DMD: variants seen among roughly 807,000 people sequenced by gnomAD.
The protein encoded by DMD is mutant dystrophin.
A neutral mutation model predicts 330.1 loss-of-function variants in DMD; 63 were observed. The ratio of observed to expected loss-of-function variants is 0.19; its 90% CI spans 0.16 to 0.24. The LOEUF is 0.24. Ranked by LOEUF, DMD falls within the 10% of genes least tolerant of loss-of-function variation. The pLI is 1.00. For synonymous variants in DMD, 1,223 were observed against 959.8 expected (o/e 1.27, Z -5.07); for missense variants, 3,344 against 2,684.1 (o/e 1.25, Z -5.43).
At chrX:32,687,156 T>G (rs1381069039) in intron 9 of DMD, among the ~76,000 whole-genome samples, 1 of 112,258 alleles carries the variant, frequency 8.9e-6, no homozygotes, top group African/African-American at 3.2e-5. Flanking sequence ...ATTCTCAAAC[T>G]TCTTAATCAG....
chrX:32,688,485 G>A (rs777847195), intron 9 of DMD, among the ~76,000 whole-genome samples: 1 of 111,935 alleles, frequency 8.9e-6, no homozygotes, highest in Non-Finnish European at 1.9e-5. Context: ...GATCCACGTT[G>A]TTGTAAATAT....
intron 7 of DMD, among the ~76,000 whole-genome samples, chrX:32,808,927 G>A (rs1268833053): frequency 1.8e-5 from 2 of 111,925 alleles, no homozygotes; most frequent in Admixed American, 9.5e-5. Flanking sequence ...AAGAGTCAAA[G>A]TTATTGAAGT....
chrX:32,728,516 C>T (rs979367802), intron 7 of DMD, among the ~76,000 whole-genome samples: 9 of 111,652 alleles, frequency 8.1e-5, no homozygotes, highest in African/African-American at 2.3e-4. Flanking sequence ...TTATACGCAG[C>T]TGCTTTATTT....
chrX:31,753,427 C>G (rs1186985823), intron 51 of DMD, among the ~76,000 whole-genome samples: 1 of 111,341 alleles, frequency 9.0e-6, no homozygotes, highest in Non-Finnish European at 1.9e-5. Context: ...TCAATCCTCC[C>G]TTTTTCTTTC....
chrX:32,098,088 G>A (rs1799463270), intron 44 of DMD, among the ~76,000 whole-genome samples: 2 of 110,970 alleles, frequency 1.8e-5, no homozygotes, highest in African/African-American at 6.6e-5. Context: ...AATCAAAAAG[G>A]GGTATTGAAA....
chrX:31,880,072 A>G (rs1462144232), intron 47 of DMD, among the ~76,000 whole-genome samples: 2 of 111,985 alleles, frequency 1.8e-5, no homozygotes, highest in Non-Finnish European at 3.8e-5. Flanking sequence ...TATTCTTTCA[A>G]TCTCTGAATG....
At chrX:32,817,936 C>G (rs777597693) in intron 5 of DMD, among the ~76,000 whole-genome samples, 1 of 111,880 alleles carries the variant, frequency 8.9e-6, no homozygotes, top group African/African-American at 3.2e-5. Flanking sequence ...TGTCACAATC[C>G]CTTGATAACT....
chrX:33,182,151 C>T (rs1018166992), intron 1 of DMD, among the ~76,000 whole-genome samples: 9 of 112,286 alleles, frequency 8.0e-5, no homozygotes, highest in African/African-American at 2.3e-4. Flanking sequence ...TAAACCGAAT[C>T]GATAACAGCA....
chrX:33,056,256 C>A, intron 1 of DMD, among the ~76,000 whole-genome samples: 1 of 111,099 alleles, frequency 9.0e-6, no homozygotes, highest in East Asian at 2.8e-4. Context: ...TGGATTCCTT[C>A]AATACCTCTT....
At chrX:32,726,315 G>A (rs968464885) in intron 7 of DMD, among the ~76,000 whole-genome samples, 1 of 111,082 alleles carries the variant, frequency 9.0e-6, no homozygotes, top group Non-Finnish European at 1.9e-5. Context: ...TTTTGAATCT[G>A]TACTAAAATA....
rs184516791 is a variant in DMD at position 32,759,044 on chromosome X, T to C, written c.649+50449A>G. Among the ~76,000 whole-genome samples, 60 of 98,832 alleles carry C rather than the reference T, an allele frequency of 6.1e-4. No individual in the cohort carries two copies. In the East Asian group the frequency reaches 0.016, roughly 27 times the overall value. 85.8% of individuals were successfully genotyped at this position (98,832 alleles called of 115,157 possible). ...TCATTTTATCTTATCCAATTCTAAC[T>C]ATCTTTAAGTTTCAGCTCAACTTCT... On this transcript the variant is annotated intron_variant, in intron 7 of 78. Coordinates refer to ENST00000357033, the MANE Select transcript of DMD (RefSeq NM_004006.3).
chrX:32,004,807 C>T (rs939781013), intron 44 of DMD, among the ~76,000 whole-genome samples: 1 of 111,300 alleles, frequency 9.0e-6, no homozygotes, highest in Non-Finnish European at 1.9e-5. Flanking sequence ...AACACAGTAC[C>T]TTGACCTTGT....
intron 13 of DMD, among the ~76,000 whole-genome samples, chrX:32,593,640 C>G (rs2055187487): frequency 9.0e-6 from 1 of 111,152 alleles, no homozygotes; most frequent in Non-Finnish European, 1.9e-5. Context: ...ACTGTCTTAC[C>G]TGGTTACCCA....
At chrX:32,528,961 G>A (rs763323123) in intron 17 of DMD, among the ~76,000 whole-genome samples, 13 of 90,959 alleles carry the variant, frequency 1.4e-4, no homozygotes, top group Admixed American at 9.6e-4. Context: ...TCGCTCTGTT[G>A]CCCAAGCTGG....
intron 1 of DMD, among the ~76,000 whole-genome samples, chrX:33,052,401 C>A (rs1415882980): frequency 8.9e-6 from 1 of 111,770 alleles, no homozygotes; most frequent in Non-Finnish European, 1.9e-5. Flanking sequence ...CTATTGATGC[C>A]AAGCTCAGTG....
chrX:33,311,655 T>A (rs1423530670), intron 1 of DMD, among the ~76,000 whole-genome samples: 9 of 110,701 alleles, frequency 8.1e-5, no homozygotes, highest in Non-Finnish European at 1.7e-4. Context: ...CTTGAAAGCA[T>A]ATTTCAAGAA....
chrX:31,721,698 CTCTCTCTCTCTCTCTCTCTCTA>C (rs1569292783), intron 52 of DMD, among the ~76,000 whole-genome samples: 239 of 65,661 alleles, frequency 3.6e-3, no homozygotes, highest in Non-Finnish European at 4.6e-3. Flanking sequence ...CTCTCTCTCT[CTCTCTCTCTCTCTCTCTCTCTA>C]TATATATATA....
chrX:31,810,994 G>A lies in DMD; in HGVS notation c.7309+8981C>T, dbSNP rs145166011. ...ATTTCTGTTAAAATGCAGGACATAG[G>A]TAATCAAAAAATCTCTAATCATCAG... On this transcript the variant is annotated intron_variant, in intron 50 of 78. Transcript: ENST00000357033. 6.3e-5 allele frequency among the ~76,000 whole-genome samples: 7 copies of A among 111,657 alleles called. No homozygotes were observed. The East Asian group carries it at 2.0e-3, about 31-fold the overall frequency.
chrX:32,950,735 G>T (rs1569545196), intron 2 of DMD, among the ~76,000 whole-genome samples: 1 of 111,063 alleles, frequency 9.0e-6, no homozygotes, highest in Non-Finnish European at 1.9e-5. Context: ...TTCTTTTTAT[G>T]AATTCAGAAG....
Sources: gnomAD v4.1 joint callset for allele counts (sites outside exome capture counted in the v4.1 genomes callset) on GRCh38, gnomAD v4.1.1 for gene constraint, MANE v1.5 for transcripts, NCBI Gene and HGNC (gene_info 2026-07-23, HGNC 2026-07-21) for gene names.